Variants in OR51L1 observed in about 807,000 individuals in gnomAD.
The protein encoded by OR51L1 is olfactory receptor family 51 subfamily L member 1.
Under a neutral mutation model 1.4 loss-of-function variants are expected in OR51L1, and 1 was observed. That is an observed-to-expected ratio of 0.72 (90% CI 0.26 to 3.42). OR51L1 has a LOEUF of 3.42. Among genes scored for constraint, OR51L1 ranks in the 30% most tolerant of loss-of-function variants. OR51L1 has a pLI of 0.20. For synonymous variants in OR51L1, 156 were observed against 144.2 expected (o/e 1.08, Z -0.59); for missense variants, 378 against 380.0 (o/e 0.99, Z 0.04).
In OR51L1 at chr11:5,000,133, C is replaced by T. The variant is rs923721370; in HGVS notation, c.*203C>T. The T allele has an allele frequency of 1.9e-6, 1 of 518,558 alleles. No homozygotes were observed. Among genetic ancestry groups the T allele is most frequent in the Admixed American group, 3.4e-5 (1 of 29,108 alleles). 32.1% of individuals were successfully genotyped at this position (518,558 alleles called of 1,614,324 possible). Reference sequence around the variant, plus strand: ...TGTGACAACTATGGCCTTACGTTGTCCCCAGGTCATTACAAGACTTATAAT... The same window carrying T: ...TGTGACAACTATGGCCTTACGTTGTTCCCAGGTCATTACAAGACTTATAAT... On this transcript the variant is annotated 3_prime_UTR_variant, in exon 3 of 3. Coordinates refer to ENST00000641819, the MANE Select transcript of OR51L1 (RefSeq NM_001004755.2).
intron 1 of OR51L1, among the ~76,000 whole-genome samples, chr11:4,996,380 A>G (rs1183324604): frequency 2.0e-5 from 3 of 152,106 alleles, no homozygotes; most frequent in Non-Finnish European, 4.4e-5. Context: ...AATAGGGATT[A>G]CAAACAGAAA....
Position 4,999,708 on chromosome 11 carries a change from A to G in OR51L1, c.726A>G (p.Thr242=), listed in dbSNP as rs138409521. The change falls in exon 3 of 3, where the codon ACA becomes ACG. Residue 242 remains threonine, a synonymous_variant. Transcript: ENST00000641819. ...SREEQLKALN[T]CVSHICVVLI... is the part of the protein sequence containing the mutation. ...AAGAGCAGCTAAAGGCACTCAACACATGTGTATCCCATATCTGTGTGGTGC... is the reference window on the plus strand; with the variant it reads ...AAGAGCAGCTAAAGGCACTCAACACGTGTGTATCCCATATCTGTGTGGTGC... 6.2e-7 allele frequency: 1 copy of G among 1,613,746 alleles called. No homozygotes were observed. Among genetic ancestry groups the G allele is most frequent in the Admixed American group, 1.7e-5 (1 of 59,886 alleles).
At position 5,004,587 on chromosome 11, in the gene OR51L1, GAGA is replaced by G. The variant is rs1318854874; in HGVS notation, c.*4660_*4662del. ...TGGTAGAAGAGAGAGAATAATCAAA[GAGA>G]AGTACACACGAACTTCTCTTACAAG... is the stretch of plus-strand genomic sequence containing the variant. On this transcript the variant is annotated 3_prime_UTR_variant, in exon 3 of 3. Transcript: ENST00000641819. The G allele has an allele frequency of 2.0e-5, 3 of 152,236 alleles. No homozygotes were observed. In the East Asian group the frequency reaches 5.8e-4, roughly 29 times the overall value. 9.4% of individuals were successfully genotyped at this position (152,236 alleles called of 1,614,324 possible). A position where few individuals can be genotyped will look rare whatever the true frequency, so the allele number is the denominator to read the frequency against.
rs1847143859 is a variant in OR51L1 at position 5,002,835 on chromosome 11, T to A, written c.*2905T>A. The A allele has an allele frequency of 6.6e-6, 1 of 152,156 alleles. No individual in the cohort carries two copies. The highest frequency in any genetic ancestry group is 1.5e-5 in the Non-Finnish European group (1 of 68,034). The allele number at this position is 152,156 out of a possible 1,614,324, so 9.4% of individuals were successfully genotyped here. ...CCAGGGATTCTCTTATTAAACAAAC[T>A]GCACACTAAATTTTACCTCAAAGTC... On this transcript the variant is annotated 3_prime_UTR_variant, in exon 3 of 3. Coordinates refer to ENST00000641819, the MANE Select transcript of OR51L1 (RefSeq NM_001004755.2).
Position 5,004,492 on chromosome 11 carries a change from G to C in OR51L1, c.*4562G>C, listed in dbSNP as rs1564823905. The stretch of plus-strand genomic sequence containing the variant: ...AGAGTAACTGCAAGACTCAGTAAGA[G>C]TCTAGCCATATGGGTATTGTTGAAA... On this transcript the variant is annotated 3_prime_UTR_variant, in exon 3 of 3. Transcript: ENST00000641819. 6.6e-6 allele frequency: 1 copy of C among 152,176 alleles called. No homozygotes were observed. Among genetic ancestry groups the C allele is most frequent in the Non-Finnish European group, 1.5e-5 (1 of 68,040 alleles). 9.4% of individuals were successfully genotyped at this position (152,176 alleles called of 1,614,324 possible).
In OR51L1 at chr11:4,999,284, C is replaced by G; in HGVS notation, c.302C>G (p.Ala101Gly). 1 of 1,614,182 alleles carries G rather than the reference C, an allele frequency of 6.2e-7. No homozygotes were observed. The highest frequency in any genetic ancestry group is 8.5e-7 in the Non-Finnish European group (1 of 1,180,026). ...GAGATCCAGGCAAGTGCTTGCTATG[C>G]TCAGCTGTTCTTCATCCACACATTC... ...APEIQASACY[A>G]QLFFIHTFTF... Residue 101 changes from alanine to glycine, a missense_variant, in exon 3 of 3, where the codon GCT (alanine) becomes GGT (glycine). Physicochemically the swap from Ala to Gly is moderately conservative, Grantham distance 60. Transcript: ENST00000641819.
chr11:4,999,602 C>A lies in OR51L1; in HGVS notation c.620C>A (p.Ala207Asp), dbSNP rs10768450. 5 of 1,613,320 alleles carry A rather than the reference C, an allele frequency of 3.1e-6. No homozygotes were observed. The East Asian group carries it at 1.1e-4, about 36-fold the overall frequency. Residue 207 changes from alanine to aspartate, a missense_variant, in exon 3 of 3, where the codon GCC becomes GAC. Coordinates refer to ENST00000641819, the MANE Select transcript of OR51L1 (RefSeq NM_001004755.2). ...ATTTATGGGCTTTGTGTAGTCATTG[C>A]CACACTAGGTGTGGATTCAATCTTC... ...NSIYGLCVVI[A>D]TLGVDSIFIL...
In OR51L1 at chr11:5,002,766, C is replaced by A. The variant is rs772777166; in HGVS notation, c.*2836C>A. On this transcript the variant is annotated 3_prime_UTR_variant, in exon 3 of 3. Transcript: ENST00000641819. ...TTCACAGGTCAACTTTTCCCTCTGC[C>A]CAATCCTACCCACTTTCATTCCTTT... 2 of 152,124 alleles carry A rather than the reference C, an allele frequency of 1.3e-5. No homozygotes were observed. The highest frequency in any genetic ancestry group is 1.5e-5 in the Non-Finnish European group (1 of 68,022). 9.4% of individuals were successfully genotyped at this position (152,124 alleles called of 1,614,324 possible).
rs748423924 is a variant in OR51L1, at chr11:5,001,309, T to C, written c.*1379T>C. On this transcript the variant is annotated 3_prime_UTR_variant, in exon 3 of 3. Coordinates refer to ENST00000641819, the MANE Select transcript of OR51L1 (RefSeq NM_001004755.2). ...AAAGAAAGGAATGTAAAGGTCGTAA[T>C]TGCATTACTAAAGAGCAAAATAAGA... The C allele has an allele frequency of 6.6e-6, 1 of 152,140 alleles. No individual in the cohort carries two copies. The highest frequency in any genetic ancestry group is 1.5e-5 in the Non-Finnish European group (1 of 68,024). 9.4% of individuals were successfully genotyped at this position (152,140 alleles called of 1,614,324 possible).
At position 4,999,518 on chromosome 11, in the gene OR51L1, CCTTCT is replaced by C; in HGVS notation, c.537_541del (p.Cys181AlafsTer43). ...TGCCATGGCAATGCCCTCTCTCACG[CCTTCT>C]GTTTGCACCAGGATGTTCTAAGATT... On this transcript the variant is annotated frameshift_variant, in exon 3 of 3. Transcript: ENST00000641819. LOFTEE classifies it low-confidence loss of function (END_TRUNC). 1 of 1,614,046 alleles carries C rather than the reference CCTTCT, an allele frequency of 6.2e-7. No homozygotes were observed. Among genetic ancestry groups the C allele is most frequent in the Non-Finnish European group, 8.5e-7 (1 of 1,179,990 alleles).
In OR51L1 at chr11:5,002,218, T is replaced by C. The variant is rs1847137677; in HGVS notation, c.*2288T>C. The C allele has an allele frequency of 6.6e-6, 1 of 152,206 alleles. No individual in the cohort carries two copies. Among genetic ancestry groups the C allele is most frequent in the Non-Finnish European group, 1.5e-5 (1 of 68,042 alleles). The allele number at this position is 152,206 out of a possible 1,614,324, so 9.4% of individuals were successfully genotyped here. Reference sequence around the variant, plus strand: ...AATGAAATTGGTTATGATGGAAGTATTTAAACCACAGAAATTGGTAAACAT... The same window carrying C: ...AATGAAATTGGTTATGATGGAAGTACTTAAACCACAGAAATTGGTAAACAT... On this transcript the variant is annotated 3_prime_UTR_variant, in exon 3 of 3. Coordinates refer to ENST00000641819, the MANE Select transcript of OR51L1 (RefSeq NM_001004755.2).
chr11:5,000,194 C>T lies in OR51L1; in HGVS notation c.*264C>T, dbSNP rs531398115. The T allele has an allele frequency of 3.7e-5, 12 of 326,992 alleles. No homozygotes were observed. The highest frequency in any genetic ancestry group is 1.9e-4 in the African/African-American group (9 of 47,418). The allele number at this position is 326,992 out of a possible 1,614,324, so 20.3% of individuals were successfully genotyped here. On this transcript the variant is annotated 3_prime_UTR_variant, in exon 3 of 3. Coordinates refer to ENST00000641819, the MANE Select transcript of OR51L1 (RefSeq NM_001004755.2). ...TGTGCTAAGTCAAGTTTTTTGAAAA[C>T]TATACAAAATTATTAATGTTATTAA...
Position 4,995,237 on chromosome 11 carries a change from G to A in OR51L1, c.-360G>A, listed in dbSNP as rs1847058244. 1 of 152,070 alleles carries A rather than the reference G, an allele frequency of 6.6e-6. No individual in the cohort carries two copies. Among genetic ancestry groups the A allele is most frequent in the Non-Finnish European group, 1.5e-5 (1 of 67,966 alleles). The allele number at this position is 152,070 out of a possible 1,614,324, so 9.4% of individuals were successfully genotyped here. A position where few individuals can be genotyped will look rare whatever the true frequency, so the allele number is the denominator to read the frequency against. On this transcript the variant is annotated 5_prime_UTR_variant, in exon 1 of 3. Transcript: ENST00000641819. ...ACTATAGTGAAGAAAAGTTTAGTCA[G>A]AGAAAGACAAAATGGAACTGTGGAT... is the stretch of plus-strand genomic sequence containing the variant.
At position 5,000,198 on chromosome 11, in the gene OR51L1, A is replaced by G; in HGVS notation, c.*268A>G. ...CTAAGTCAAGTTTTTTGAAAACTAT[A>G]CAAAATTATTAATGTTATTAAGTTG... On this transcript the variant is annotated 3_prime_UTR_variant, in exon 3 of 3. Transcript: ENST00000641819. 3.1e-6 allele frequency: 1 copy of G among 321,734 alleles called. No homozygotes were observed. The highest frequency in any genetic ancestry group is 5.7e-6 in the Non-Finnish European group (1 of 176,322). The allele number at this position is 321,734 out of a possible 1,614,324, so 19.9% of individuals were successfully genotyped here.
Position 4,999,255 on chromosome 11 carries a change from T to C in OR51L1, c.273T>C (p.Ala91=). 6.2e-7 allele frequency: 1 copy of C among 1,614,196 alleles called. No homozygotes were observed. Among genetic ancestry groups the C allele is most frequent in the Non-Finnish European group, 8.5e-7 (1 of 1,180,020 alleles). The change falls in exon 3 of 3, where the codon GCT becomes GCC. Residue 91 remains alanine, a synonymous_variant. Transcript: ENST00000641819. ...PTMLAVLWLD[A]PEIQASACYA... is the part of the protein sequence containing the mutation. ...TGCTTGCTGTGTTATGGTTGGATGC[T>C]CCAGAGATCCAGGCAAGTGCTTGCT...
Position 4,998,851 on chromosome 11 carries a change from C to T in OR51L1, c.-132C>T, listed in dbSNP as rs1378078174. The T allele has an allele frequency of 3.1e-6, 3 of 974,454 alleles. No individual in the cohort carries two copies. Among genetic ancestry groups the T allele is most frequent in the Non-Finnish European group, 4.5e-6 (3 of 661,292 alleles). The allele number at this position is 974,454 out of a possible 1,614,324, so 60.4% of individuals were successfully genotyped here. On this transcript the variant is annotated 5_prime_UTR_variant, in exon 3 of 3. Transcript: ENST00000641819. ...CCGACAAGAGATACCAGCTTCCTTC[C>T]TCTGTGAGGTTAGACGAAAGATGTA...
rs956110433 is a variant in OR51L1 at position 5,002,008 on chromosome 11, A to T, written c.*2078A>T. 6.6e-6 allele frequency: 1 copy of T among 152,218 alleles called. No homozygotes were observed. The highest frequency in any genetic ancestry group is 1.5e-5 in the Non-Finnish European group (1 of 68,044). 9.4% of individuals were successfully genotyped at this position (152,218 alleles called of 1,614,324 possible). A position where few individuals can be genotyped will look rare whatever the true frequency, so the allele number is the denominator to read the frequency against. On this transcript the variant is annotated 3_prime_UTR_variant, in exon 3 of 3. Transcript: ENST00000641819. Reference sequence around the variant, plus strand: ...ATATTGATATATTAATAAGTGGTCAATTTCACTTGAGGATTTAAGAATCAG... The same window carrying T: ...ATATTGATATATTAATAAGTGGTCATTTTCACTTGAGGATTTAAGAATCAG...
At chr11:4,996,698 TTTTC>T (rs1564822174) in intron 1 of OR51L1, among the ~76,000 whole-genome samples, 10 of 120,412 alleles carry the variant, frequency 8.3e-5, no homozygotes, top group African/African-American at 3.2e-4. Context: ...TTTTTCTTTC[TTTTC>T]CTTCCTTCCT....
chr11:4,999,094 T>C lies in OR51L1; in HGVS notation c.112T>C (p.Leu38=). The C allele has an allele frequency of 1.9e-6, 3 of 1,614,152 alleles. No individual in the cohort carries two copies. The highest frequency in any genetic ancestry group is 2.5e-6 in the Non-Finnish European group (3 of 1,180,000). ...WLSILFCLAY[L]VAFMGNVTIL... ...CTCCATCCTCTTCTGTCTTGCATAT[T>C]TGGTAGCATTTATGGGTAATGTTAC... is the stretch of plus-strand genomic sequence containing the variant. The change falls in exon 3 of 3, where the codon TTG becomes CTG. Residue 38 remains leucine (L), a synonymous_variant. Coordinates refer to ENST00000641819, the MANE Select transcript of OR51L1 (RefSeq NM_001004755.2).
Sources: gnomAD v4.1 joint callset for allele counts (sites outside exome capture counted in the v4.1 genomes callset) on GRCh38, gnomAD v4.1.1 for gene constraint, MANE v1.5 for transcripts, NCBI Gene and HGNC (gene_info 2026-07-23, HGNC 2026-07-21) for gene names.